Variants in RRP1B observed in about 807,000 individuals in gnomAD.
The protein encoded by RRP1B is ribosomal RNA processing protein 1 homolog B.
In RRP1B, 56 loss-of-function variants were observed where a neutral mutation model predicts 80.2. That is an observed-to-expected ratio of 0.70 (90% confidence interval 0.56 to 0.87). The LOEUF (loss-of-function observed/expected upper bound fraction) is 0.87. Among genes scored for constraint, RRP1B ranks in the 40% least tolerant of loss-of-function variants. The pLI, the probability that RRP1B is intolerant of heterozygous loss-of-function variation, is 0.00. For missense variants in RRP1B, 807 were observed against 939.8 expected (o/e 0.86, Z 1.85); for synonymous variants, 351 against 357.6 (o/e 0.98, Z 0.21).
chr21:43,680,918 C>T (rs2838347), intron 8 of RRP1B, among the ~76,000 whole-genome samples: 14,191 of 152,106 alleles, frequency 0.093, 2,212 homozygotes, highest in African/African-American at 0.32. Flanking sequence ...TTCTCTATTT[C>T]CTACAGTGAT....
Position 43,686,015 on chromosome 21 carries a change from GGAGTCTAA to G in RRP1B, c.1009+230_1009+237del, listed in dbSNP as rs201631520. On this transcript the variant is annotated intron_variant, in intron 11 of 15. Coordinates refer to ENST00000340648, the MANE Select transcript of RRP1B (RefSeq NM_015056.3). ...GTGATCCTGTAGTCCCAGTCACTTG[GGAGTCTAA>G]GAGGGGAGGATCGCTTGAGCCCAGG... 1.4e-3 allele frequency: 547 copies of G among 401,804 alleles called. 5 individuals carry two copies. The East Asian group carries it at 0.019, about 14-fold the overall frequency. The allele number at this position is 401,804 out of a possible 1,614,324, so 24.9% of individuals were successfully genotyped here.
At chr21:43,662,188 C>G (rs184027310) in intron 1 of RRP1B, among the ~76,000 whole-genome samples, 51 of 152,320 alleles carry the variant, frequency 3.3e-4, no homozygotes, top group African/African-American at 1.2e-3. Flanking sequence ...TTGCTCAAAC[C>G]CTTTGGTGAG....
In RRP1B at chr21:43,676,745, A is replaced by G. The variant is rs2147168341; in HGVS notation, c.627A>G (p.Val209=). 6.2e-7 allele frequency: 1 copy of G among 1,614,062 alleles called. No homozygotes were observed. Among genetic ancestry groups the G allele is most frequent in the Non-Finnish European group, 8.5e-7 (1 of 1,180,006 alleles). The part of the protein sequence containing the change: ...IAAKTKDHTL[V]QTIARGVFEA... The stretch of plus-strand genomic sequence containing the variant: ...CTTCTACCCTCAGCCACACCCTGGT[A>G]CAGACCATAGCTCGGGGTGTCTTCG... Residue 209 remains valine, a synonymous_variant, in exon 8 of 16, where the codon GTA becomes GTG. Transcript: ENST00000340648.
intron 13 of RRP1B, among the ~76,000 whole-genome samples, chr21:43,688,561 T>C (rs895470238): frequency 7.9e-5 from 12 of 152,202 alleles, no homozygotes; most frequent in African/African-American, 2.9e-4. Context: ...TAGGCCTCTG[T>C]CAAAGGCAGG....
At chr21:43,685,516 C>T (rs1013091511) in intron 10 of RRP1B, among the ~76,000 whole-genome samples, 3 of 152,164 alleles carry the variant, frequency 2.0e-5, no homozygotes, top group Admixed American at 1.3e-4. Context: ...TTTGGCCCGC[C>T]GTGTCCTTGC....
In RRP1B at chr21:43,688,215, C is replaced by A. The variant is rs2083072309; in HGVS notation, c.1841C>A (p.Ser614Tyr). The change falls in exon 13 of 16, where the codon TCC becomes TAC. Residue 614 changes from serine (S) to tyrosine (Y), a missense_variant. Physicochemically the swap from Ser to Tyr is moderately radical, Grantham distance 144. Transcript: ENST00000340648. Reference sequence around the variant, plus strand: ...GTGGAGCACAACGGGGTGCTGGAGTCCGAAGCTGGGCAACCCCAGGCTCTG... The same window carrying A: ...GTGGAGCACAACGGGGTGCTGGAGTACGAAGCTGGGCAACCCCAGGCTCTG... Reference protein sequence around the residue: ...NLVEHNGVLESEAGQPQALGS... With the variant: ...NLVEHNGVLEYEAGQPQALGS... 1.9e-6 allele frequency: 3 copies of A among 1,566,272 alleles called. No homozygotes were observed. Among genetic ancestry groups the A allele is most frequent in the South Asian group, 2.3e-5 (2 of 85,148 alleles).
In RRP1B at chr21:43,694,315, C is replaced by T. The variant is rs1305190420; in HGVS notation, c.*932C>T. The stretch of plus-strand genomic sequence containing the variant: ...CTGCGCTCCGGCTCAGCGACCTTTC[C>T]TCTCAAATGCGGAAGCGTGCACTTA... On this transcript the variant is annotated 3_prime_UTR_variant, in exon 16 of 16. Coordinates refer to ENST00000340648, the MANE Select transcript of RRP1B (RefSeq NM_015056.3). 1 of 152,308 alleles carries T rather than the reference C, an allele frequency of 6.6e-6. No individual in the cohort carries two copies. Among genetic ancestry groups the T allele is most frequent in the Non-Finnish European group, 1.5e-5 (1 of 68,072 alleles). 9.4% of individuals were successfully genotyped at this position (152,308 alleles called of 1,614,324 possible).
chr21:43,667,242 TTTGA>T (rs968581214), intron 1 of RRP1B, among the ~76,000 whole-genome samples: 30 of 152,132 alleles, frequency 2.0e-4, no homozygotes, highest in African/African-American at 6.3e-4. Context: ...TGTTTGTTTG[TTTGA>T]GAGACAGAGT....
rs139787661 is a variant in RRP1B at position 43,687,801 on chromosome 21, G to A, written c.1427G>A (p.Arg476Gln). The A allele has an allele frequency of 6.1e-5, 98 of 1,613,160 alleles. No individual in the cohort carries two copies. Among genetic ancestry groups the A allele is most frequent in the Non-Finnish European group, 7.7e-5 (91 of 1,180,054 alleles). The change falls in exon 13 of 16, where the codon CGG becomes CAG. Residue 476 changes from arginine to glutamine, a missense_variant. Arg to Gln is a conservative substitution (Grantham distance 43). Coordinates refer to ENST00000340648, the MANE Select transcript of RRP1B (RefSeq NM_015056.3). ...ATGCACAATAAAAGGAAACGGCCAC[G>A]GAAGAAGAGCCCGAGGGCCCACAGG... ...VPMHNKRKRPRKKSPRAHREM... is the reference protein window; with the variant it reads ...VPMHNKRKRPQKKSPRAHREM...
chr21:43,669,455 G>A (rs534270731), intron 1 of RRP1B, among the ~76,000 whole-genome samples: 3 of 152,310 alleles, frequency 2.0e-5, no homozygotes, highest in East Asian at 1.9e-4. Flanking sequence ...GGGGCTGCCC[G>A]TTGCTGGGGC....
chr21:43,685,143 T>C (rs2147173669), intron 10 of RRP1B, among the ~76,000 whole-genome samples: 1 of 152,306 alleles, frequency 6.6e-6, no homozygotes, highest in East Asian at 1.9e-4. Flanking sequence ...TGACAACAAC[T>C]GTCTGATCAC....
Position 43,688,246 on chromosome 21 carries a change from G to A in RRP1B, c.1866+6G>A, listed in dbSNP as rs751435146. ...CTGGGCAACCCCAGGCTCTGGTAAG[G>A]TGGGAGCACCCACAGGCCAGCTCGC... On this transcript the variant is annotated splice_donor_region_variant and intron_variant, in intron 13 of 15. Coordinates refer to ENST00000340648, the MANE Select transcript of RRP1B (RefSeq NM_015056.3). 1.2e-5 allele frequency: 18 copies of A among 1,529,446 alleles called. No individual in the cohort carries two copies. The highest frequency in any genetic ancestry group is 2.2e-4 in the Middle Eastern group (1 of 4,538). The allele number at this position is 1,529,446 out of a possible 1,614,324, so 94.7% of individuals were successfully genotyped here. A position where few individuals can be genotyped will look rare whatever the true frequency, so the allele number is the denominator to read the frequency against.
At chr21:43,662,646 A>AAT (rs1352605137) in intron 1 of RRP1B, among the ~76,000 whole-genome samples, 1 of 70,828 alleles carries the variant, frequency 1.4e-5, no homozygotes, top group Non-Finnish European at 2.4e-5. Flanking sequence ...TGCTTTAAGT[A>AAT]ACAGTGTTGC....
intron 4 of RRP1B, 21 bp downstream of exon 4, chr21:43,673,976 T>C (rs2083010732): frequency 1.3e-6 from 2 of 1,534,524 alleles, no homozygotes; most frequent in African/African-American, 2.7e-5. Context: ...CCGCAGTTAC[T>C]TCAAAAACTC....
chr21:43,693,538 C>A lies in RRP1B; in HGVS notation c.*155C>A. The A allele has an allele frequency of 1.5e-6, 1 of 656,182 alleles. No individual in the cohort carries two copies. The highest frequency in any genetic ancestry group is 2.4e-6 in the Non-Finnish European group (1 of 418,110). 40.6% of individuals were successfully genotyped at this position (656,182 alleles called of 1,614,324 possible). ...TGCCCGCAGGCTGCTGCGTCCTGGC[C>A]CCTCTGTAGTGGCTGCGGGCGTCTT... On this transcript the variant is annotated 3_prime_UTR_variant, in exon 16 of 16. Coordinates refer to ENST00000340648, the MANE Select transcript of RRP1B (RefSeq NM_015056.3). The surrounding 1 kb of genome is among the most constrained non-coding windows in gnomAD (Gnocchi z 4.1).
intron 4 of RRP1B, among the ~76,000 whole-genome samples, chr21:43,674,341 G>C (rs2083012464): frequency 6.6e-6 from 1 of 152,124 alleles, no homozygotes; most frequent in Non-Finnish European, 1.5e-5. Flanking sequence ...ATTTTTAGTA[G>C]AGATAAGGGT....
chr21:43,688,010 C>T lies in RRP1B; in HGVS notation c.1636C>T (p.Gln546Ter). Residue 546 changes from glutamine (Q) to a stop codon, truncating the protein, a stop_gained, in exon 13 of 16, where the codon CAG becomes TAG. Transcript: ENST00000340648. LOFTEE classifies it high-confidence loss of function. ...GLSTPAWPPLQQEGPPTGPAE... is the reference protein window; with the variant it reads ...GLSTPAWPPL ...GTCCACGCCGGCCTGGCCTCCATTG[C>T]AGCAGGAAGGCCCTCCCACAGGCCC... is the stretch of plus-strand genomic sequence containing the variant. 1 of 1,612,416 alleles carries T rather than the reference C, an allele frequency of 6.2e-7. No homozygotes were observed.
chr21:43,686,702 G>A (rs1414233750), intron 11 of RRP1B, 102 bp from the exon 12 acceptor site: 7 of 1,352,020 alleles, frequency 5.2e-6, no homozygotes, highest in Non-Finnish European at 7.2e-6. Flanking sequence ...GGTGAGGAAC[G>A]ATGATGATGA....
intron 10 of RRP1B, among the ~76,000 whole-genome samples, chr21:43,685,301 C>T (rs1197235764): frequency 6.6e-6 from 1 of 152,194 alleles, no homozygotes; most frequent in Non-Finnish European, 1.5e-5. Flanking sequence ...AGGTCCCTGC[C>T]ATCCAGTGTC....
Sources: gnomAD v4.1 joint callset for allele counts (sites outside exome capture counted in the v4.1 genomes callset) on GRCh38, gnomAD v4.1.1 for gene constraint, Gnocchi (gnomAD v3.1) non-coding constraint, MANE v1.5 for transcripts, NCBI Gene and HGNC (gene_info 2026-07-23, HGNC 2026-07-21) for gene names.